PPARD: variants seen among roughly 807,000 people sequenced by gnomAD.
The protein encoded by PPARD is peroxisome proliferator activated receptor delta.
A neutral mutation model predicts 39.5 loss-of-function variants in PPARD; 6 were observed. The observed-to-expected ratio is 0.15, with a 90% confidence interval of 0.08 to 0.30. The LOEUF (loss-of-function observed/expected upper bound fraction) is 0.30. PPARD is among the 10% of genes least tolerant of loss of function. The pLI is 1.00. For missense variants in PPARD, 397 were observed against 596.8 expected (o/e 0.67, Z 3.49); for synonymous variants, 210 against 231.3 (o/e 0.91, Z 0.83).
intron 2 of PPARD, among the ~76,000 whole-genome samples, chr6:35,402,491 C>T (rs1764767851): frequency 6.6e-6 from 1 of 152,168 alleles, no homozygotes; most frequent in Admixed American, 6.5e-5. Flanking sequence ...GTGAAGAGTA[C>T]CCTCCTGTCT....
In PPARD at chr6:35,426,123, C is replaced by G; in HGVS notation, c.*44C>G. 6.3e-7 allele frequency: 1 copy of G among 1,588,756 alleles called. No individual in the cohort carries two copies. The highest frequency in any genetic ancestry group is 8.5e-7 in the Non-Finnish European group (1 of 1,171,574). ...CCTGCAGACTCCAATGGGGCCAGCA[C>G]TGGAGGGGCCCACCCACATGACTTT... On this transcript the variant is annotated 3_prime_UTR_variant, in exon 8 of 8. Coordinates refer to ENST00000360694, the MANE Select transcript of PPARD (RefSeq NM_006238.5).
rs1464341393 is a variant in PPARD at position 35,421,971 on chromosome 6, C to T, written c.424+13C>T. 5 of 1,592,610 alleles carry T rather than the reference C, an allele frequency of 3.1e-6. No homozygotes were observed. Among genetic ancestry groups the T allele is most frequent in the Non-Finnish European group, 4.3e-6 (5 of 1,167,182 alleles). ...ATGTCACACAACGGTGAGAGCTGAC[C>T]AGGGCAACTCACGGGCTGCTGGCTC... is the stretch of plus-strand genomic sequence containing the variant. On this transcript the variant is annotated intron_variant, in intron 5 of 7. Transcript: ENST00000360694.
intron 2 of PPARD, among the ~76,000 whole-genome samples, chr6:35,380,970 C>T (rs1413499846): frequency 6.6e-6 from 1 of 152,134 alleles, no homozygotes; most frequent in Non-Finnish European, 1.5e-5. Flanking sequence ...TCCACCGCTC[C>T]ATCTCTCCAG....
In PPARD at chr6:35,363,809, T is replaced by C. The variant is rs1303427877; in HGVS notation, c.-102+16659T>C. 1.3e-5 allele frequency among the ~76,000 whole-genome samples: 2 copies of C among 152,154 alleles called. No homozygotes were observed. The highest frequency in any genetic ancestry group is 4.8e-5 in the African/African-American group (2 of 41,426). ...AATGTGAGCAGTTTATTTTATTTTA[T>C]ATTCTACATATTTTTATAGCATAAA... On this transcript the variant is annotated intron_variant, in intron 2 of 7. Transcript: ENST00000360694. The surrounding 1 kb of genome is among the most constrained non-coding windows in gnomAD (Gnocchi z 4.5).
At chr6:35,376,946 G>T (rs912987032) in intron 2 of PPARD, among the ~76,000 whole-genome samples, 4 of 151,674 alleles carry the variant, frequency 2.6e-5, no homozygotes, top group Admixed American at 2.0e-4. Flanking sequence ...CATGAACCCG[G>T]GAGGCAGAGC....
At chr6:35,409,362 TG>T (rs1765272943) in intron 2 of PPARD, among the ~76,000 whole-genome samples, 1 of 151,916 alleles carries the variant, frequency 6.6e-6, no homozygotes, top group African/African-American at 2.4e-5. Flanking sequence ...AGAAATTAGC[TG>T]GTGTGGTAGT....
chr6:35,372,257 A>G (rs1459594167), intron 2 of PPARD, among the ~76,000 whole-genome samples: 2 of 152,120 alleles, frequency 1.3e-5, no homozygotes, highest in African/African-American at 4.8e-5. Flanking sequence ...GGTTCACTGC[A>G]ACCTCCACCT....
intron 2 of PPARD, chr6:35,348,539 G>A: frequency 3.0e-6 from 3 of 985,444 alleles, no homozygotes; most frequent in Non-Finnish European, 3.6e-6. Flanking sequence ...GGGGGCCGGG[G>A]AAACGTGGGC....
intron 2 of PPARD, among the ~76,000 whole-genome samples, chr6:35,395,388 T>G (rs888796633): frequency 1.1e-4 from 16 of 152,324 alleles, no homozygotes; most frequent in African/African-American, 3.8e-4. Flanking sequence ...CAGGAAGGCC[T>G]GACTTGATGT....
intron 2 of PPARD, among the ~76,000 whole-genome samples, chr6:35,406,581 C>T (rs778130130): frequency 3.3e-5 from 5 of 152,202 alleles, no homozygotes; most frequent in Non-Finnish European, 7.3e-5. Context: ...CAGGCTACAG[C>T]TCCCCTTCCT....
Position 35,423,931 on chromosome 6 carries a change from C to T in PPARD, c.425-15C>T. 1 of 1,613,402 alleles carries T rather than the reference C, an allele frequency of 6.2e-7. No individual in the cohort carries two copies. ...CTGCCTGGGCTCCTTGCTGACTGCC[C>T]CCTTCCCTGTGCAGCTATCCGTTTT... On this transcript the variant is annotated splice_polypyrimidine_tract_variant and intron_variant, in intron 5 of 7. Coordinates refer to ENST00000360694, the MANE Select transcript of PPARD (RefSeq NM_006238.5).
intron 2 of PPARD, among the ~76,000 whole-genome samples, chr6:35,391,423 C>T (rs1328257993): frequency 2.0e-5 from 3 of 152,182 alleles, no homozygotes; most frequent in East Asian, 1.9e-4. Flanking sequence ...TGATTAGATT[C>T]GGGTTTACGT....
At chr6:35,382,681 C>A (rs1763218281) in intron 2 of PPARD, among the ~76,000 whole-genome samples, 2 of 152,150 alleles carry the variant, frequency 1.3e-5, no homozygotes, top group Admixed American at 1.3e-4. Flanking sequence ...ATCCCAGCCC[C>A]TAAGGAGTTT....
rs561541251 is a variant in PPARD, at chr6:35,397,187, C to G, written c.-101-13800C>G. Among the ~76,000 whole-genome samples, 5 of 150,956 alleles carry G rather than the reference C, an allele frequency of 3.3e-5. No individual in the cohort carries two copies. The East Asian group carries it at 7.8e-4, about 24-fold the overall frequency. On this transcript the variant is annotated intron_variant, in intron 2 of 7. Transcript: ENST00000360694. Reference sequence around the variant, plus strand: ...GGATTTGTCAGCACCTCCCCACCCCCACCCTGGGTCTGACCTAGGACTCTG... The same window carrying G: ...GGATTTGTCAGCACCTCCCCACCCCGACCCTGGGTCTGACCTAGGACTCTG...
intron 2 of PPARD, among the ~76,000 whole-genome samples, chr6:35,408,245 C>T (rs897172095): frequency 1.3e-5 from 2 of 152,216 alleles, no homozygotes; most frequent in African/African-American, 4.8e-5. Flanking sequence ...TTCGGAAGCT[C>T]CTCCTGGTAG....
At position 35,425,765 on chromosome 6, in the gene PPARD, C is replaced by A; in HGVS notation, c.1079-67C>A. ...TGCCGTCCCCTGGGCCAAGTCACCT[C>A]TTGGGGTGGAAGTAGGGGAGCTCCA... is the stretch of plus-strand genomic sequence containing the variant. On this transcript the variant is annotated intron_variant, in intron 7 of 7. Transcript: ENST00000360694. This position sits in a 1 kb window ranked among gnomAD's most constrained non-coding sequence, Gnocchi z 4.5. 2 of 1,584,188 alleles carry A rather than the reference C, an allele frequency of 1.3e-6. No homozygotes were observed. The highest frequency in any genetic ancestry group is 8.6e-7 in the Non-Finnish European group (1 of 1,166,564).
At position 35,425,258 on chromosome 6, in the gene PPARD, AGT is replaced by A; in HGVS notation, c.1078+481_1078+482del. ...CACTGCACTCCAGCCTGGGTGACAG[AGT>A]GAGACCCTGTCTCAAAAAAAAGGAA... On this transcript the variant is annotated intron_variant, in intron 7 of 7. Coordinates refer to ENST00000360694, the MANE Select transcript of PPARD (RefSeq NM_006238.5). The surrounding 1 kb of genome is among the most constrained non-coding windows in gnomAD (Gnocchi z 4.5). 1.0e-6 allele frequency: 1 copy of A among 993,946 alleles called. No homozygotes were observed. The highest frequency in any genetic ancestry group is 1.2e-6 in the Non-Finnish European group (1 of 830,072). The allele number at this position is 993,946 out of a possible 1,614,324, so 61.6% of individuals were successfully genotyped here. A position where few individuals can be genotyped will look rare whatever the true frequency, so the allele number is the denominator to read the frequency against.
chr6:35,361,959 C>A (rs1761946491), intron 2 of PPARD, among the ~76,000 whole-genome samples: 1 of 152,082 alleles, frequency 6.6e-6, no homozygotes, highest in African/African-American at 2.4e-5. Context: ...CAGATGCCAC[C>A]AATGGCATTT....
intron 1 of PPARD, among the ~76,000 whole-genome samples, chr6:35,344,524 G>C (rs995921263): frequency 1.3e-5 from 2 of 151,954 alleles, no homozygotes; most frequent in African/African-American, 4.8e-5. Flanking sequence ...TTTATTTGGC[G>C]TTGGTTCTCT....
Sources: gnomAD v4.1 joint callset for allele counts (sites outside exome capture counted in the v4.1 genomes callset) on GRCh38, gnomAD v4.1.1 for gene constraint, Gnocchi (gnomAD v3.1) non-coding constraint, MANE v1.5 for transcripts, NCBI Gene and HGNC (gene_info 2026-07-23, HGNC 2026-07-21) for gene names.